Variants in SYNE2 observed in about 807,000 individuals in gnomAD.
The protein encoded by SYNE2 is nesprin-2.
SYNE2 carries 431 observed loss-of-function variants against 856.3 expected under a neutral mutation model. The observed-to-expected ratio is 0.50, with a 90% confidence interval of 0.47 to 0.55. The LOEUF is 0.55. Among genes scored for constraint, SYNE2 ranks in the 20% least tolerant of loss-of-function variants. SYNE2 has a pLI of 0.00. For synonymous variants in SYNE2, 2,923 were observed against 2,872.3 expected (o/e 1.02, Z -0.56); for missense variants, 8,129 against 8,023.2 (o/e 1.01, Z -0.50).
chr14:63,872,358 A>T (rs186284524), intron 1 of SYNE2, among the ~76,000 whole-genome samples: 2 of 151,834 alleles, frequency 1.3e-5, no homozygotes, highest in African/African-American at 4.8e-5. Context: ...TGAACCTGGG[A>T]GGTGGAGGTT....
chr14:63,836,093 T>C (rs1185959544), intron 1 of SYNE2, among the ~76,000 whole-genome samples: 1 of 152,248 alleles, frequency 6.6e-6, no homozygotes, highest in East Asian at 1.9e-4. Flanking sequence ...TGGAGTGCAG[T>C]GCAATGCAGC....
At position 64,177,780 on chromosome 14, in the gene SYNE2, C is replaced by T. The variant is rs374697263; in HGVS notation, c.17556+297C>T. On this transcript the variant is annotated intron_variant, in intron 96 of 115. Transcript: ENST00000555002. ...CCTCCTCTGTAATATAAGATGTGGC[C>T]TCTGAGATTCCTGTAAAAGCTGTTC... Among the ~76,000 whole-genome samples, 19 of 152,262 alleles carry T rather than the reference C, an allele frequency of 1.2e-4. 2 individuals are homozygous for T. The East Asian group carries it at 2.9e-3, about 23-fold the overall frequency.
At chr14:63,891,720 A>G (rs2095136906) in intron 1 of SYNE2, among the ~76,000 whole-genome samples, 1 of 152,118 alleles carries the variant, frequency 6.6e-6, no homozygotes, top group African/African-American at 2.4e-5. Context: ...TGGACATGAC[A>G]AGACAAAACA....
rs2153599662 is a variant in SYNE2 at position 64,070,820 on chromosome 14, G to C, written c.10607G>C (p.Arg3536Thr). ...LLLTLLLQRI[R>T]SIQNVPESSG... ...CTGACTCTACTTCTTCAGCGCATCA[G>C]AAGTATCCAGAATGTTCCTGAAAGC... The change falls in exon 52 of 116, where the codon AGA (arginine) becomes ACA (threonine). Residue 3536 changes from arginine to threonine, a missense_variant. By Grantham distance (71) the Arg-to-Thr change is moderately conservative. This residue lies in a region of SYNE2 where 5,410 missense variants were observed against 5,284.8 expected (regional missense o/e 1.02). Transcript: ENST00000555002. The C allele has an allele frequency of 1.9e-6, 3 of 1,614,182 alleles. No homozygotes were observed. Among genetic ancestry groups the C allele is most frequent in the Non-Finnish European group, 2.5e-6 (3 of 1,180,022 alleles).
At chr14:63,881,474 C>A (rs1169340875) in intron 1 of SYNE2, among the ~76,000 whole-genome samples, 1 of 151,620 alleles carries the variant, frequency 6.6e-6, no homozygotes, top group Non-Finnish European at 1.5e-5. Context: ...CATAGTGAGA[C>A]CCTGTCTCTA....
chr14:63,972,981 G>A (rs1292945027), intron 11 of SYNE2, among the ~76,000 whole-genome samples: 1 of 152,178 alleles, frequency 6.6e-6, no homozygotes, highest in Admixed American at 6.5e-5. Flanking sequence ...ATGGCTGGGC[G>A]CAGTGGCTCG....
At chr14:64,062,701 T>C in intron 49 of SYNE2, 50 bp from the exon 50 acceptor site, 1 of 1,492,840 alleles carries the variant, frequency 6.7e-7, no homozygotes, top group East Asian at 2.3e-5. Context: ...TTGAATTTAT[T>C]GTGTTAAATA....
chr14:63,773,450 C>T (rs939964441), intron 1 of SYNE2, among the ~76,000 whole-genome samples: 3 of 152,120 alleles, frequency 2.0e-5, no homozygotes, highest in African/African-American at 7.2e-5. Flanking sequence ...ATCCACCCGC[C>T]TCACCCTTCT....
chr14:63,936,919 G>A (rs2095840729), intron 2 of SYNE2, among the ~76,000 whole-genome samples: 1 of 152,124 alleles, frequency 6.6e-6, no homozygotes, highest in South Asian at 2.1e-4. Flanking sequence ...TTGTGAGGGT[G>A]GACCTAACAG....
intron 85 of SYNE2, among the ~76,000 whole-genome samples, chr14:64,153,553 C>T (rs1009665684): frequency 2.0e-5 from 3 of 152,182 alleles, no homozygotes; most frequent in African/African-American, 7.2e-5. Flanking sequence ...AACACTCAGC[C>T]TCATTCCTCA....
chr14:64,124,098 G>C (rs1226691990), intron 70 of SYNE2, among the ~76,000 whole-genome samples: 2 of 152,026 alleles, frequency 1.3e-5, no homozygotes, highest in Non-Finnish European at 2.9e-5. Context: ...TCAGCTACTT[G>C]GGAGGCTGAG....
Position 64,208,828 on chromosome 14 carries a change from T to G in SYNE2, c.18272T>G (p.Leu6091Arg). Residue 6091 changes from leucine to arginine, a missense_variant, in exon 101 of 116, where the codon CTG (leucine) becomes CGG (arginine). Physicochemically the swap from Leu to Arg is moderately radical, Grantham distance 102 (BLOSUM62 -2). Coordinates refer to ENST00000555002, the MANE Select transcript of SYNE2 (RefSeq NM_182914.3). Reference protein sequence around the residue: ...ESVFNICDVLLHDSDACANET... With the variant: ...ESVFNICDVLRHDSDACANET... Reference sequence around the variant, plus strand: ...GTGTTTAACATCTGTGACGTCCTACTGCACGACTCCGATGCCTGTGCAAAT... The same window carrying G: ...GTGTTTAACATCTGTGACGTCCTACGGCACGACTCCGATGCCTGTGCAAAT... 1 of 1,614,240 alleles carries G rather than the reference T, an allele frequency of 6.2e-7. No homozygotes were observed. The highest frequency in any genetic ancestry group is 1.6e-4 in the Middle Eastern group (1 of 6,062).
intron 49 of SYNE2, among the ~76,000 whole-genome samples, chr14:64,058,084 G>T (rs1477218077): frequency 2.0e-5 from 3 of 152,096 alleles, no homozygotes; most frequent in Non-Finnish European, 4.4e-5. Context: ...TCACTTTGTT[G>T]ATTATTTCCT....
At chr14:64,221,169 C>T (rs2098692272) in intron 111 of SYNE2, among the ~76,000 whole-genome samples, 1 of 152,152 alleles carries the variant, frequency 6.6e-6, no homozygotes, top group South Asian at 2.1e-4. Context: ...CGGGTGTGAG[C>T]TCTGCACCAC....
intron 100 of SYNE2, among the ~76,000 whole-genome samples, chr14:64,206,716 T>C (rs947656817): frequency 6.6e-6 from 1 of 152,178 alleles, no homozygotes; most frequent in Non-Finnish European, 1.5e-5. Flanking sequence ...GCAGAGTTTA[T>C]TAAAATACAG....
rs569745443 is a variant in SYNE2, at chr14:63,985,614, A to C, written c.2152-842A>C. ...TAATTTACTAAACTTTAATCTTCTT[A>C]CATGTAAAATGTATAAAATATTATC... On this transcript the variant is annotated intron_variant, in intron 18 of 115. Transcript: ENST00000555002. Among the ~76,000 whole-genome samples, 3 of 152,314 alleles carry C rather than the reference A, an allele frequency of 2.0e-5. No individual in the cohort carries two copies. In the South Asian group the frequency reaches 6.2e-4, roughly 32 times the overall value.
Position 64,225,774 on chromosome 14 carries a change from G to A in SYNE2, c.*248G>A. ...TTGGCAGAACTAGTTGATTAGTTTA[G>A]GGATCTCTGGAAATGTCAGTTTCCT... is the stretch of plus-strand genomic sequence containing the variant. On this transcript the variant is annotated 3_prime_UTR_variant, in exon 116 of 116. Transcript: ENST00000555002. 1 of 597,302 alleles carries A rather than the reference G, an allele frequency of 1.7e-6. No individual in the cohort carries two copies. 37.0% of individuals were successfully genotyped at this position (597,302 alleles called of 1,614,324 possible). A position where few individuals can be genotyped will look rare whatever the true frequency, so the allele number is the denominator to read the frequency against.
At chr14:64,129,152 C>T (rs2097983660) in intron 74 of SYNE2, among the ~76,000 whole-genome samples, 1 of 152,064 alleles carries the variant, frequency 6.6e-6, no homozygotes, top group Admixed American at 6.6e-5. Flanking sequence ...ATCGAAAATA[C>T]AAAAATTAGC....
At chr14:63,970,111 C>A (rs879612234) in intron 11 of SYNE2, among the ~76,000 whole-genome samples, 1 of 152,022 alleles carries the variant, frequency 6.6e-6, no homozygotes, top group Non-Finnish European at 1.5e-5. Context: ...TACTTTTCAT[C>A]TATTTGGAGT....
Sources: allele counts gnomAD v4.1 joint callset (sites outside exome capture counted in the v4.1 genomes callset), GRCh38; gene constraint gnomAD v4.1.1; regional missense constraint gnomAD v4.1.1; transcripts MANE v1.5; gene names NCBI Gene and HGNC (gene_info 2026-07-23, HGNC 2026-07-21).